EFCAB11: variants seen among roughly 807,000 people sequenced by gnomAD.
The protein encoded by EFCAB11 is EF-hand calcium binding domain 11.
EFCAB11 carries 14 observed loss-of-function variants against 23.0 expected under a neutral mutation model. The observed-to-expected ratio is 0.61, with a 90% CI of 0.40 to 0.95. The LOEUF is 0.95. Among genes scored for constraint, EFCAB11 ranks in the 40% least tolerant of loss-of-function variants. The pLI is 0.00. For missense variants in EFCAB11, 198 were observed against 195.8 expected (o/e 1.01, Z -0.07); for synonymous variants, 65 against 66.6 (o/e 0.98, Z 0.11).
chr14:89,823,037 C>T (rs1886576645), intron 5 of EFCAB11, among the ~76,000 whole-genome samples: 1 of 152,132 alleles, frequency 6.6e-6, no homozygotes, highest in Admixed American at 6.6e-5. Flanking sequence ...ATTACACATC[C>T]TGAACATATG....
At chr14:89,811,173 G>C (rs895571748) in intron 5 of EFCAB11, among the ~76,000 whole-genome samples, 3 of 151,956 alleles carry the variant, frequency 2.0e-5, no homozygotes, top group Admixed American at 1.3e-4. Flanking sequence ...ACAGAGCAAG[G>C]TACATTCAAG....
intron 5 of EFCAB11, among the ~76,000 whole-genome samples, chr14:89,868,476 T>A (rs976541478): frequency 6.6e-6 from 1 of 152,132 alleles, no homozygotes; most frequent in Non-Finnish European, 1.5e-5. Flanking sequence ...TTTACAAGAA[T>A]ACACCAAGAT....
chr14:89,887,218 A>G (rs887109683), intron 5 of EFCAB11, among the ~76,000 whole-genome samples: 4 of 152,230 alleles, frequency 2.6e-5, no homozygotes, highest in African/African-American at 4.8e-5. Flanking sequence ...TATGAATGAC[A>G]TAAAACCAGG....
chr14:89,823,740 T>C (rs983019441), intron 5 of EFCAB11, among the ~76,000 whole-genome samples: 8 of 152,202 alleles, frequency 5.3e-5, no homozygotes, highest in Non-Finnish European at 1.2e-4. Flanking sequence ...AAATGGAAAG[T>C]ATTTTTAAAA....
chr14:89,951,717 G>A (rs550040098), intron 2 of EFCAB11, among the ~76,000 whole-genome samples: 7 of 151,592 alleles, frequency 4.6e-5, no homozygotes, highest in Non-Finnish European at 8.8e-5. Flanking sequence ...AGACCAGACT[G>A]GCCAACATTG....
At chr14:89,913,457 T>C (rs1044006626) in intron 5 of EFCAB11, among the ~76,000 whole-genome samples, 2 of 152,186 alleles carry the variant, frequency 1.3e-5, no homozygotes, top group African/African-American at 4.8e-5. Flanking sequence ...GACTTCCATT[T>C]TCTTAGCTAG....
intron 5 of EFCAB11, among the ~76,000 whole-genome samples, chr14:89,815,449 C>T (rs184198832): frequency 7.9e-5 from 12 of 151,342 alleles, no homozygotes; most frequent in South Asian, 4.2e-4. Flanking sequence ...TTTTCCAAGA[C>T]GGAATCTTGT....
At chr14:89,933,015 T>C (rs2139812367) in intron 3 of EFCAB11, among the ~76,000 whole-genome samples, 1 of 152,322 alleles carries the variant, frequency 6.6e-6, no homozygotes, top group South Asian at 2.1e-4. Context: ...TGATCCCTTT[T>C]TTCCTAGCCA....
chr14:89,802,816 T>G (rs11850916), intron 5 of EFCAB11, among the ~76,000 whole-genome samples: 1,629 of 152,360 alleles, frequency 0.011, 28 homozygotes, highest in African/African-American at 0.036. Flanking sequence ...AGATATTCCT[T>G]AATATTACTT....
intron 5 of EFCAB11, among the ~76,000 whole-genome samples, chr14:89,823,336 G>A (rs1886588203): frequency 6.6e-6 from 1 of 152,118 alleles, no homozygotes; most frequent in African/African-American, 2.4e-5. Flanking sequence ...CAACCTGAGT[G>A]AGCTTGAAAG....
rs371105386 is a variant in EFCAB11 at position 89,900,831 on chromosome 14, T to C, written c.410+30710A>G. 7.9e-5 allele frequency among the ~76,000 whole-genome samples: 12 copies of C among 152,366 alleles called. No homozygotes were observed. The South Asian group carries it at 2.5e-3, about 32-fold the overall frequency. On this transcript the variant is annotated intron_variant, in intron 5 of 5. Transcript: ENST00000316738. ...AAAGGTAAATTATTGCTTTTTTTCTTTTTTAATAACAGTCTTTTCGTTAAT... is the reference window on the plus strand; with the variant it reads ...AAAGGTAAATTATTGCTTTTTTTCTCTTTTAATAACAGTCTTTTCGTTAAT...
intron 3 of EFCAB11, among the ~76,000 whole-genome samples, chr14:89,935,618 T>C (rs1030178066): frequency 3.3e-5 from 5 of 152,172 alleles, no homozygotes; most frequent in African/African-American, 1.2e-4. Context: ...CTCATGCCTA[T>C]AATCCTAACA....
chr14:89,894,503 T>TA (rs1486984570), intron 5 of EFCAB11, among the ~76,000 whole-genome samples: 2 of 151,682 alleles, frequency 1.3e-5, no homozygotes, highest in African/African-American at 4.9e-5. Context: ...TCTTGATTTT[T>TA]AAAAAACTCA....
intron 2 of EFCAB11, among the ~76,000 whole-genome samples, chr14:89,951,523 T>A (rs1477697566): frequency 1.3e-5 from 2 of 152,236 alleles, no homozygotes; most frequent in African/African-American, 4.8e-5. Flanking sequence ...TATTAAACTC[T>A]GAACTGCTTC....
At position 89,931,629 on chromosome 14, in the gene EFCAB11, G is replaced by T. The variant is rs757985158; in HGVS notation, c.322C>A (p.Arg108Ser). Residue 108 changes from arginine (R) to serine (S), a missense_variant and splice_region_variant, in exon 5 of 6, where the codon CGT (arginine) becomes AGT (serine). Transcript: ENST00000316738. The stretch of plus-strand genomic sequence containing the variant: ...AAATCTTCCAAAGTTAAAAATCCAC[G>T]ATCTATTTGAAAACAATAAAAAATA... ...HIFTAFDTYY[R>S]GFLTLEDFKK... 5.0e-6 allele frequency: 8 copies of T among 1,612,818 alleles called. No individual in the cohort carries two copies. In the South Asian group the frequency reaches 8.8e-5, roughly 18 times the overall value.
At chr14:89,865,872 T>C (rs1208322740) in intron 5 of EFCAB11, among the ~76,000 whole-genome samples, 1 of 152,096 alleles carries the variant, frequency 6.6e-6, no homozygotes, top group East Asian at 1.9e-4. Context: ...TTCACCATGT[T>C]GGCCAGGCTG....
At chr14:89,897,422 G>A (rs1268056950) in intron 5 of EFCAB11, among the ~76,000 whole-genome samples, 1 of 151,928 alleles carries the variant, frequency 6.6e-6, no homozygotes, top group Non-Finnish European at 1.5e-5. Context: ...TTAGCCAGAT[G>A]GTCTTGATCT....
intron 5 of EFCAB11, among the ~76,000 whole-genome samples, chr14:89,912,664 C>T (rs544294661): frequency 5.3e-5 from 8 of 152,134 alleles, no homozygotes; most frequent in Admixed American, 2.0e-4. Context: ...TTTTGTCATA[C>T]GTTTTAGTAC....
At chr14:89,851,782 T>C (rs1887607480) in intron 5 of EFCAB11, among the ~76,000 whole-genome samples, 1 of 152,234 alleles carries the variant, frequency 6.6e-6, no homozygotes, top group South Asian at 2.1e-4. Flanking sequence ...TTTGGGATCA[T>C]CATAAAGAGA....
Sources: allele counts gnomAD v4.1 joint callset (sites outside exome capture counted in the v4.1 genomes callset), GRCh38; gene constraint gnomAD v4.1.1; transcripts MANE v1.5; gene names NCBI Gene and HGNC (gene_info 2026-07-23, HGNC 2026-07-21).